SAMD5: variants seen among roughly 807,000 people sequenced by gnomAD.
SAMD5 encodes sterile alpha motif domain-containing protein 5.
SAMD5 carries 13 observed loss-of-function variants against 11.3 expected under a neutral mutation model. That is an observed-to-expected ratio of 1.15 (90% CI 0.75 to 1.83). The LOEUF (loss-of-function observed/expected upper bound fraction) is 1.83, where lower values mean the gene tolerates loss of function less well. Ranked by LOEUF, SAMD5 falls within the 40% of genes most tolerant of loss-of-function variation. The pLI is 0.00. For synonymous variants in SAMD5, 129 were observed against 111.3 expected (o/e 1.16, Z -1.00); for missense variants, 255 against 239.1 (o/e 1.07, Z -0.44).
At chr6:147,587,427 G>A (rs1286812856) in intron 1 of SAMD5, among the ~76,000 whole-genome samples, 1 of 151,984 alleles carries the variant, frequency 6.6e-6, no homozygotes, top group African/African-American at 2.4e-5. Flanking sequence ...AGTAGAGATA[G>A]GATTTCATCA....
At chr6:147,676,853 T>A (rs1483949353) in intron 1 of SAMD5, among the ~76,000 whole-genome samples, 1 of 128,306 alleles carries the variant, frequency 7.8e-6, no homozygotes, top group East Asian at 2.2e-4. Context: ...GTAGGGGAGC[T>A]AGAAGATCAG....
chr6:147,525,882 G>T (rs888836670), intron 1 of SAMD5, among the ~76,000 whole-genome samples: 3 of 152,102 alleles, frequency 2.0e-5, no homozygotes, highest in African/African-American at 7.2e-5. Context: ...ATGCCTCCTG[G>T]AAAGCTAGAT....
intron 1 of SAMD5, among the ~76,000 whole-genome samples, chr6:147,541,335 G>T (rs1466078392): frequency 6.6e-6 from 1 of 152,184 alleles, no homozygotes; most frequent in East Asian, 1.9e-4. Context: ...ATGCTGCCCA[G>T]TGGGCTGCAG....
chr6:147,819,187 T>C, the SAMD5 span, among the ~76,000 whole-genome samples: 2 of 152,186 alleles, frequency 1.3e-5, no homozygotes, highest in African/African-American at 4.8e-5. Flanking sequence ...GGGACATGGA[T>C]GGAGCTGGAG....
the SAMD5 span, among the ~76,000 whole-genome samples, chr6:147,883,852 C>T: frequency 6.6e-6 from 1 of 152,152 alleles, no homozygotes; most frequent in Non-Finnish European, 1.5e-5. Context: ...ATATTTGCCT[C>T]TTCCTAACTG....
intron 1 of SAMD5, among the ~76,000 whole-genome samples, chr6:147,697,335 A>G (rs796836499): frequency 3.3e-4 from 51 of 152,330 alleles, no homozygotes; most frequent in African/African-American, 1.2e-3. Context: ...CTCTAAACCC[A>G]GTTTGGCCGC....
At chr6:147,532,220 G>T (rs1217747460) in intron 1 of SAMD5, among the ~76,000 whole-genome samples, 11 of 151,936 alleles carry the variant, frequency 7.2e-5, no homozygotes, top group Non-Finnish European at 1.2e-4. Context: ...CTGAGATTTT[G>T]GTGCACCTGT....
At chr6:147,939,795 A>G in the SAMD5 span, among the ~76,000 whole-genome samples, 5 of 151,016 alleles carry the variant, frequency 3.3e-5, no homozygotes, top group African/African-American at 1.2e-4. Context: ...CTCAGGTTCT[A>G]TGAGATACCC....
chr6:147,553,913 A>C (rs1788812097), intron 1 of SAMD5, among the ~76,000 whole-genome samples: 1 of 152,124 alleles, frequency 6.6e-6, no homozygotes, highest in Non-Finnish European at 1.5e-5. Context: ...GACGGAAAAC[A>C]ACACGGGTAC....
the SAMD5 span, among the ~76,000 whole-genome samples, chr6:147,801,648 A>G: frequency 6.6e-6 from 1 of 152,134 alleles, no homozygotes; most frequent in African/African-American, 2.4e-5. Flanking sequence ...GTTGTCCTTT[A>G]GAGAAGGAAA....
At chr6:147,615,452 A>G (rs1044103602) in intron 1 of SAMD5, among the ~76,000 whole-genome samples, 1 of 152,232 alleles carries the variant, frequency 6.6e-6, no homozygotes, top group African/African-American at 2.4e-5. Context: ...AATCACTGAT[A>G]ATATTTGTCT....
rs986018168 is a variant in SAMD5, at chr6:147,568,891, T to C, written c.*4435T>C. 1 of 978,810 alleles carries C rather than the reference T, an allele frequency of 1.0e-6. No individual in the cohort carries two copies. The highest frequency in any genetic ancestry group is 1.2e-6 in the Non-Finnish European group (1 of 823,984). The allele number at this position is 978,810 out of a possible 1,614,324, so 60.6% of individuals were successfully genotyped here. ...TCATTAATCCCTACTATTTTAGATA[T>C]TTCCATAAAAGGCTTAAAGGGAAAA... On this transcript the variant is annotated 3_prime_UTR_variant, in exon 2 of 2. Transcript: ENST00000367474.
At chr6:147,545,633 G>C (rs1219718208) in intron 1 of SAMD5, among the ~76,000 whole-genome samples, 1 of 152,040 alleles carries the variant, frequency 6.6e-6, no homozygotes, top group Non-Finnish European at 1.5e-5. Flanking sequence ...GCAGAAGGGA[G>C]TTTGTCATTA....
At chr6:147,785,582 A>G in the SAMD5 span, among the ~76,000 whole-genome samples, 4 of 152,214 alleles carry the variant, frequency 2.6e-5, no homozygotes, top group Non-Finnish European at 4.4e-5. Flanking sequence ...CTTCCCTTTG[A>G]TAGTGAGAAT....
the SAMD5 span, among the ~76,000 whole-genome samples, chr6:147,917,892 G>C: frequency 6.6e-6 from 1 of 152,048 alleles, no homozygotes; most frequent in Admixed American, 6.6e-5. Flanking sequence ...ATTTCTGAGG[G>C]CTCTGTTCTG....
chr6:147,785,037 G>C, the SAMD5 span, among the ~76,000 whole-genome samples: 1 of 152,048 alleles, frequency 6.6e-6, no homozygotes, highest in Admixed American at 6.5e-5. Flanking sequence ...CAGATTATTT[G>C]AGAATTAAGG....
chr6:147,628,237 A>G (rs9497830), intron 1 of SAMD5, among the ~76,000 whole-genome samples: 9,569 of 152,274 alleles, frequency 0.063, 991 homozygotes, highest in African/African-American at 0.22. Context: ...TAAATGAATT[A>G]CAATCTAATA....
intron 1 of SAMD5, among the ~76,000 whole-genome samples, chr6:147,645,910 T>C (rs531733110): frequency 1.3e-5 from 2 of 152,208 alleles, no homozygotes; most frequent in Non-Finnish European, 2.9e-5. Context: ...TCTCGGATCA[T>C]CAGTTTGTGA....
chr6:147,651,848 GTGTCATTT>G (rs985820628), intron 1 of SAMD5, among the ~76,000 whole-genome samples: 1 of 152,194 alleles, frequency 6.6e-6, no homozygotes, highest in Admixed American at 6.5e-5. Context: ...TTTACCAACT[GTGTCATTT>G]TTCTAGACAA....
Sources: gnomAD v4.1 joint callset for allele counts (sites outside exome capture counted in the v4.1 genomes callset) on GRCh38, gnomAD v4.1.1 for gene constraint, MANE v1.5 for transcripts, NCBI Gene and HGNC (gene_info 2026-07-23, HGNC 2026-07-21) for gene names.